Variants in FBXW7 observed in about 807,000 individuals in gnomAD.
FBXW7 encodes F-box/WD repeat-containing protein 7.
A neutral mutation model predicts 86.3 loss-of-function variants in FBXW7; 11 were observed. That is an observed-to-expected ratio of 0.13 (90% CI 0.08 to 0.21). The LOEUF (loss-of-function observed/expected upper bound fraction) is 0.21, where lower values mean the gene tolerates loss of function less well. Ranked by LOEUF, FBXW7 falls within the 10% of genes least tolerant of loss-of-function variation. The pLI is 1.00. For missense variants in FBXW7, 488 were observed against 847.4 expected (o/e 0.58, Z 5.27); for synonymous variants, 313 against 297.9 (o/e 1.05, Z -0.52).
At chr4:152,433,070 T>C (rs1376256021) in intron 2 of FBXW7, among the ~76,000 whole-genome samples, 2 of 152,212 alleles carry the variant, frequency 1.3e-5, no homozygotes, top group Admixed American at 6.5e-5. Context: ...AATCCATTCT[T>C]TTCTGTCCCT....
chr4:152,490,200 G>T (rs1299971162), intron 2 of FBXW7, among the ~76,000 whole-genome samples: 1 of 152,040 alleles, frequency 6.6e-6, no homozygotes, highest in Non-Finnish European at 1.5e-5. Context: ...TGTTTAATGG[G>T]TATCAAGTTT....
At chr4:152,513,414 G>A (rs565997597) in intron 2 of FBXW7, among the ~76,000 whole-genome samples, 1 of 152,282 alleles carries the variant, frequency 6.6e-6, no homozygotes, top group South Asian at 2.1e-4. Flanking sequence ...CTGTGCTCCA[G>A]AGTACTCCAC....
intron 4 of FBXW7, among the ~76,000 whole-genome samples, chr4:152,401,114 C>T (rs1364404231): frequency 1.3e-5 from 2 of 152,210 alleles, no homozygotes; most frequent in Non-Finnish European, 2.9e-5. Flanking sequence ...TATATAGACA[C>T]TTTGGAAGCC....
chr4:152,474,238 A>T (rs1025701053), intron 2 of FBXW7, among the ~76,000 whole-genome samples: 7 of 152,230 alleles, frequency 4.6e-5, no homozygotes, highest in African/African-American at 1.4e-4. Context: ...TGCACAATGA[A>T]TTCAGCGACT....
chr4:152,476,473 T>C (rs1209874646), intron 2 of FBXW7, among the ~76,000 whole-genome samples: 7 of 152,110 alleles, frequency 4.6e-5, no homozygotes, highest in Non-Finnish European at 1.0e-4. Flanking sequence ...TAATCAAAAT[T>C]AGAAACTTCT....
intron 4 of FBXW7, among the ~76,000 whole-genome samples, chr4:152,397,763 C>A (rs1278579432): frequency 6.7e-6 from 1 of 149,372 alleles, no homozygotes; most frequent in African/African-American, 2.5e-5. Flanking sequence ...ATTCTTTACT[C>A]CACGATGATT....
intron 2 of FBXW7, among the ~76,000 whole-genome samples, chr4:152,414,519 C>CT (rs1378348279): frequency 6.6e-6 from 1 of 152,082 alleles, no homozygotes; most frequent in African/African-American, 2.4e-5. Context: ...GTGAAAGTGA[C>CT]TGTGTTGTTA....
At chr4:152,513,050 C>T (rs952923633) in intron 2 of FBXW7, among the ~76,000 whole-genome samples, 4 of 151,974 alleles carry the variant, frequency 2.6e-5, no homozygotes, top group African/African-American at 4.8e-5. Flanking sequence ...TTAGTAGAGA[C>T]GGGGTTTCAC....
chr4:152,488,440 G>C (rs1560959247), intron 2 of FBXW7, among the ~76,000 whole-genome samples: 1 of 152,022 alleles, frequency 6.6e-6, no homozygotes, highest in Non-Finnish European at 1.5e-5. Flanking sequence ...AATGCTACCA[G>C]TATGCCTAGG....
chr4:152,332,421 T>C (rs115185891), intron 8 of FBXW7, among the ~76,000 whole-genome samples, 175 bp downstream of exon 8: 1,525 of 152,298 alleles, frequency 0.01, 21 homozygotes, highest in East Asian at 0.043. Context: ...TTGCTATTAG[T>C]TATATTGCTT....
intron 4 of FBXW7, among the ~76,000 whole-genome samples, chr4:152,399,645 T>C (rs1426433815): frequency 6.6e-6 from 1 of 152,192 alleles, no homozygotes; most frequent in Non-Finnish European, 1.5e-5. Flanking sequence ...AAGTCAATTA[T>C]TTTCCTACAC....
intron 2 of FBXW7, among the ~76,000 whole-genome samples, chr4:152,499,032 A>C (rs1746651622): frequency 6.6e-6 from 1 of 152,180 alleles, no homozygotes; most frequent in Non-Finnish European, 1.5e-5. Context: ...ATTTATTAAT[A>C]TATTAGGGGA....
chr4:152,384,270 A>G (rs955629922), intron 4 of FBXW7, among the ~76,000 whole-genome samples: 1 of 152,162 alleles, frequency 6.6e-6, no homozygotes, highest in African/African-American at 2.4e-5. Context: ...GCCAAAAGGT[A>G]GAAGCAACTC....
intron 2 of FBXW7, among the ~76,000 whole-genome samples, chr4:152,480,485 G>A (rs1444821344): frequency 6.6e-6 from 1 of 152,158 alleles, no homozygotes; most frequent in East Asian, 1.9e-4. Context: ...AAGTGTTGGA[G>A]TGAAAAGAAG....
At chr4:152,476,947 G>C (rs1691760498) in intron 2 of FBXW7, among the ~76,000 whole-genome samples, 3 of 151,966 alleles carry the variant, frequency 2.0e-5, no homozygotes, top group Non-Finnish European at 4.4e-5. Context: ...TTCAGATTCT[G>C]TAAGAAGCTG....
chr4:152,394,549 GC>G (rs1164461964), intron 4 of FBXW7, among the ~76,000 whole-genome samples: 1 of 152,014 alleles, frequency 6.6e-6, no homozygotes, highest in African/African-American at 2.4e-5. Flanking sequence ...AATAATGTAG[GC>G]AAAAGTCAAT....
intron 2 of FBXW7, among the ~76,000 whole-genome samples, chr4:152,533,236 A>G (rs1292330614): frequency 6.6e-6 from 1 of 152,116 alleles, no homozygotes; most frequent in Non-Finnish European, 1.5e-5. Flanking sequence ...ATAAGCAATA[A>G]AAGTAGGTCC....
chr4:152,419,909 TG>T (rs1348717137), intron 2 of FBXW7, among the ~76,000 whole-genome samples: 1 of 152,076 alleles, frequency 6.6e-6, no homozygotes, highest in Non-Finnish European at 1.5e-5. Context: ...TTTTTGCCGG[TG>T]GGGGGTCTTA....
At chr4:152,519,948 T>G (rs72955085) in intron 2 of FBXW7, among the ~76,000 whole-genome samples, 2,396 of 152,328 alleles carry the variant, frequency 0.016, 44 homozygotes, top group African/African-American at 0.036. Context: ...AGTAGCTATT[T>G]CATATGAACT....
Sources: allele counts gnomAD v4.1 joint callset (sites outside exome capture counted in the v4.1 genomes callset), GRCh38; gene constraint gnomAD v4.1.1; transcripts MANE v1.5; gene names NCBI Gene and HGNC (gene_info 2026-07-23, HGNC 2026-07-21).